The following ROBO1 variants were observed in gnomAD, a reference collection of about 807,000 sequenced individuals.
ROBO1 encodes roundabout homolog 1.
Under a neutral mutation model 195.9 loss-of-function variants are expected in ROBO1, and 149 were observed. The observed-to-expected ratio is 0.76, with a 90% CI of 0.67 to 0.87. The LOEUF (loss-of-function observed/expected upper bound fraction) is 0.87. Ranked by LOEUF, ROBO1 falls within the 40% of genes least tolerant of loss-of-function variation. The probability of loss-of-function intolerance (pLI) is 0.00; values close to 1 mark genes in which losing one functional copy is unlikely to be tolerated. For synonymous variants in ROBO1, 816 were observed against 733.2 expected (o/e 1.11, Z -1.82); for missense variants, 1,933 against 2,068.3 (o/e 0.93, Z 1.27).
intron 29 of ROBO1, among the ~76,000 whole-genome samples, chr3:78,604,526 A>C (rs1410067982): frequency 6.6e-6 from 1 of 152,222 alleles, no homozygotes; most frequent in Non-Finnish European, 1.5e-5. Context: ...CTTTGGGTTA[A>C]CTGAGAAAAA....
intron 4 of ROBO1, among the ~76,000 whole-genome samples, chr3:78,906,128 T>C (rs1021595258): frequency 1.8e-4 from 28 of 152,186 alleles, no homozygotes; most frequent in African/African-American, 6.8e-4. Flanking sequence ...CTACGATTTT[T>C]CCTGCCATAT....
At chr3:78,807,356 CTT>C (rs1576204475) in intron 4 of ROBO1, among the ~76,000 whole-genome samples, 1 of 151,940 alleles carries the variant, frequency 6.6e-6, no homozygotes, top group Non-Finnish European at 1.5e-5. Context: ...CTTTTTGTAA[CTT>C]AATGTATTTC....
At chr3:78,720,951 G>GA (rs1323383907) in intron 5 of ROBO1, among the ~76,000 whole-genome samples, 1 of 139,994 alleles carries the variant, frequency 7.1e-6, no homozygotes, top group African/African-American at 2.9e-5. Flanking sequence ...TTGTGGGGTT[G>GA]GGGGGGGGGC....
chr3:79,494,828 C>A (rs557369402), intron 2 of ROBO1, among the ~76,000 whole-genome samples: 32 of 152,178 alleles, frequency 2.1e-4, no homozygotes, highest in Non-Finnish European at 2.9e-4. Context: ...GCAGGAAAAA[C>A]TGATGCAAAA....
At chr3:79,371,534 G>T (rs1395726400) in intron 2 of ROBO1, among the ~76,000 whole-genome samples, 1 of 152,020 alleles carries the variant, frequency 6.6e-6, no homozygotes, top group Non-Finnish European at 1.5e-5. Flanking sequence ...TATAAAACTG[G>T]CTGAGGAAAT....
rs1257525813 is a variant in ROBO1, at chr3:78,673,589, TATATATATATATATATAC to T, written c.1343-3306_1343-3289del. Among the ~76,000 whole-genome samples, 299 of 69,696 alleles carry T rather than the reference TATATATATATATATATAC, an allele frequency of 4.3e-3. 2 individuals are homozygous for T. Among genetic ancestry groups the T allele is most frequent in the East Asian group, 0.011 (24 of 2,150 alleles). The allele number at this position is 69,696 out of a possible 152,430, so 45.7% of individuals were successfully genotyped here. ...ATATATATATATATATATATATATA[TATATATATATATATATAC>T]ACACATATATTACAGCAGGGTTATA... On this transcript the variant is annotated intron_variant, in intron 10 of 30. Coordinates refer to ENST00000464233, the MANE Select transcript of ROBO1 (RefSeq NM_002941.4).
Position 79,190,494 on chromosome 3 carries a change from A to C in ROBO1, c.89-64955T>G, listed in dbSNP as rs1559723970. Reference sequence around the variant, plus strand: ...CAAATTGAGTATTGGAGAGTCGGGCAGAAGGGTAGATTACTCTTACTCGTT... The same window carrying C: ...CAAATTGAGTATTGGAGAGTCGGGCCGAAGGGTAGATTACTCTTACTCGTT... On this transcript the variant is annotated intron_variant, in intron 2 of 30. Transcript: ENST00000464233. 3.3e-5 allele frequency among the ~76,000 whole-genome samples: 5 copies of C among 151,726 alleles called. No individual in the cohort carries two copies. In the South Asian group the frequency reaches 1.0e-3, roughly 31 times the overall value.
At chr3:79,550,702 TA>T (rs1051951139) in intron 2 of ROBO1, among the ~76,000 whole-genome samples, 1 of 152,182 alleles carries the variant, frequency 6.6e-6, no homozygotes, top group African/African-American at 2.4e-5. Flanking sequence ...TCAATCACTT[TA>T]AAACAGTCAC....
At chr3:79,119,720 A>G (rs1260185714) in intron 3 of ROBO1, among the ~76,000 whole-genome samples, 2 of 152,090 alleles carry the variant, frequency 1.3e-5, no homozygotes, top group Non-Finnish European at 2.9e-5. Context: ...TTATAAAGAG[A>G]AGCTAATGAT....
At chr3:78,868,433 A>G (rs1391371171) in intron 4 of ROBO1, among the ~76,000 whole-genome samples, 1 of 152,156 alleles carries the variant, frequency 6.6e-6, no homozygotes, top group East Asian at 1.9e-4. Flanking sequence ...TACTTAAATA[A>G]TAACAGAAAT....
At chr3:79,617,820 C>CAAAAAA (rs60181598) in intron 1 of ROBO1, among the ~76,000 whole-genome samples, 2 of 57,880 alleles carry the variant, frequency 3.5e-5, no homozygotes, top group Non-Finnish European at 6.2e-5. Flanking sequence ...GACTCTGTCT[C>CAAAAAA]AAAAAAAAAA....
At chr3:78,974,150 C>T (rs918084470) in intron 3 of ROBO1, among the ~76,000 whole-genome samples, 9 of 152,046 alleles carry the variant, frequency 5.9e-5, no homozygotes, top group African/African-American at 1.7e-4. Context: ...ATATTACAGG[C>T]ATCCTGTATT....
At chr3:78,616,207 C>T (rs535224520) in intron 27 of ROBO1, among the ~76,000 whole-genome samples, 23 of 152,094 alleles carry the variant, frequency 1.5e-4, no homozygotes, top group East Asian at 5.8e-4. Flanking sequence ...TATTTTCTAA[C>T]GTATTCTCAA....
intron 3 of ROBO1, among the ~76,000 whole-genome samples, chr3:79,073,986 A>C (rs904092057): frequency 6.6e-6 from 1 of 151,564 alleles, no homozygotes; most frequent in Admixed American, 6.6e-5. Flanking sequence ...ATGAATGCAA[A>C]AGAGTTCTGT....
chr3:79,050,893 G>A (rs2078683879), intron 3 of ROBO1, among the ~76,000 whole-genome samples: 1 of 152,144 alleles, frequency 6.6e-6, no homozygotes, highest in African/African-American at 2.4e-5. Flanking sequence ...CAGAATCTCA[G>A]GGATACACTG....
intron 8 of ROBO1, among the ~76,000 whole-genome samples, chr3:78,699,491 C>G (rs1276368433): frequency 1.3e-5 from 2 of 150,354 alleles, no homozygotes; most frequent in Admixed American, 6.7e-5. Flanking sequence ...ATTGCTTGAA[C>G]CCGGGAGGTG....
At chr3:79,485,061 T>G (rs1001253252) in intron 2 of ROBO1, among the ~76,000 whole-genome samples, 1 of 152,088 alleles carries the variant, frequency 6.6e-6, no homozygotes, top group Non-Finnish European at 1.5e-5. Context: ...CGACTATCTT[T>G]ACTCTTAGAA....
chr3:78,901,028 A>G lies in ROBO1; in HGVS notation c.499+37573T>C, dbSNP rs1490906070. Among the ~76,000 whole-genome samples, 7 of 152,260 alleles carry G rather than the reference A, an allele frequency of 4.6e-5. No homozygotes were observed. In the East Asian group the frequency reaches 1.2e-3, roughly 25 times the overall value. ...GTACAGAGAGAGAAATTGCTTGTTC[A>G]TTTATTGTGAGAATCTTTTCCAGAT... is the stretch of plus-strand genomic sequence containing the variant. On this transcript the variant is annotated intron_variant, in intron 4 of 30. Coordinates refer to ENST00000464233, the MANE Select transcript of ROBO1 (RefSeq NM_002941.4).
intron 3 of ROBO1, among the ~76,000 whole-genome samples, chr3:79,099,964 C>T (rs2079645553): frequency 6.6e-6 from 1 of 151,656 alleles, no homozygotes; most frequent in African/African-American, 2.4e-5. Flanking sequence ...TGGACTAGGT[C>T]CTATTCTCTA....
Sources: gnomAD v4.1 joint callset for allele counts (sites outside exome capture counted in the v4.1 genomes callset) on GRCh38, gnomAD v4.1.1 for gene constraint, MANE v1.5 for transcripts, NCBI Gene and HGNC (gene_info 2026-07-23, HGNC 2026-07-21) for gene names.